The following DACH2 variants were observed in gnomAD, a reference collection of about 807,000 sequenced individuals.
DACH2 encodes the protein dachshund family transcription factor 2, also known as dachshund homolog 2.
Under a neutral mutation model 35.8 loss-of-function variants are expected in DACH2, and 17 were observed. That is an observed-to-expected ratio of 0.48 (90% CI 0.33 to 0.71). The LOEUF (loss-of-function observed/expected upper bound fraction) is 0.71, where lower values mean the gene tolerates loss of function less well. DACH2 is among the 30% of genes least tolerant of loss of function. The pLI is 0.02. For missense variants in DACH2, 469 were observed against 472.7 expected, an observed-to-expected ratio of 0.99 and a Z score of 0.07; for synonymous variants, 195 against 177.3, an observed-to-expected ratio of 1.10 and a Z score of -0.79.
Position 86,415,264 on chromosome X carries a change from G to T in DACH2, c.527+38402G>T, listed in dbSNP as rs776346423. On this transcript the variant is annotated intron_variant, in intron 2 of 11. Transcript: ENST00000373125. ...TTTTCTTTCTTTCTTTTCAACGTAG[G>T]ACTAATTTCTGTAGAAATTTTTAGA... Among the ~76,000 whole-genome samples the T allele has an allele frequency of 5.4e-5, 6 of 111,703 alleles. No homozygotes were observed. In the East Asian group the frequency reaches 8.5e-4, roughly 16 times the overall value.
At chrX:86,249,418 T>C (rs1351209433) in intron 1 of DACH2, among the ~76,000 whole-genome samples, 2 of 111,517 alleles carry the variant, frequency 1.8e-5, no homozygotes, top group Non-Finnish European at 3.8e-5. Context: ...CTCTATAGAA[T>C]ACATACACTT....
chrX:86,189,759 G>A (rs1387371580), intron 1 of DACH2, among the ~76,000 whole-genome samples: 1 of 111,614 alleles, frequency 9.0e-6, no homozygotes, highest in Non-Finnish European at 1.9e-5. Flanking sequence ...TTCTGGTATT[G>A]AAACATCTTA....
chrX:86,446,043 G>C (rs1215037783), intron 2 of DACH2, among the ~76,000 whole-genome samples: 1 of 110,922 alleles, frequency 9.0e-6, no homozygotes, highest in African/African-American at 3.3e-5. Context: ...AATGTTGGGT[G>C]CATATATATT....
intron 4 of DACH2, among the ~76,000 whole-genome samples, chrX:86,685,144 G>T (rs2040927014): frequency 9.0e-6 from 1 of 111,312 alleles, no homozygotes; most frequent in African/African-American, 3.3e-5. Context: ...TTGCATTATT[G>T]TCTTCAATCT....
At chrX:86,516,670 A>C (rs2038472763) in intron 3 of DACH2, among the ~76,000 whole-genome samples, 1 of 110,122 alleles carries the variant, frequency 9.1e-6, no homozygotes. Flanking sequence ...CCGGGTATTA[A>C]GCTTATTACC....
At chrX:86,632,900 A>G (rs1316287395) in intron 3 of DACH2, among the ~76,000 whole-genome samples, 1 of 110,916 alleles carries the variant, frequency 9.0e-6, no homozygotes, top group Non-Finnish European at 1.9e-5. Context: ...ACAAAAATGA[A>G]GATGCAATAT....
At chrX:86,583,002 A>T (rs1282169009) in intron 3 of DACH2, among the ~76,000 whole-genome samples, 1 of 111,288 alleles carries the variant, frequency 9.0e-6, no homozygotes, top group Admixed American at 9.6e-5. Flanking sequence ...GCACATCGAA[A>T]AGCTAATCCA....
chrX:86,816,081 G>T lies in DACH2; in HGVS notation c.1732G>T (p.Asp578Tyr), dbSNP rs149307611. ...IEIENNGTPH[D>Y]SAAMQGGNYY... ...AATAGAAAACAATGGGACTCCTCATGATAGTGCTGCTATGCAAGGTACAGT... is the reference window on the plus strand; with the variant it reads ...AATAGAAAACAATGGGACTCCTCATTATAGTGCTGCTATGCAAGGTACAGT... Residue 578 changes from aspartate (D) to tyrosine (Y), a missense_variant, in exon 11 of 12, where the codon GAT (aspartate) becomes TAT (tyrosine). This residue lies in a region of DACH2 where 363 missense variants were observed against 334.4 expected (regional missense o/e 1.09). Transcript: ENST00000373125. The T allele has an allele frequency of 1.6e-4, 192 of 1,179,264 alleles. No individual in the cohort carries two copies. Among genetic ancestry groups the T allele is most frequent in the Non-Finnish European group, 2.0e-4 (174 of 879,682 alleles).
chrX:86,757,337 T>C (rs2041839171), intron 7 of DACH2, among the ~76,000 whole-genome samples: 1 of 111,651 alleles, frequency 9.0e-6, no homozygotes, highest in Admixed American at 9.5e-5. Context: ...GTTTTCTTTT[T>C]TTGTTGCATA....
At chrX:86,556,295 G>A (rs777584743) in intron 3 of DACH2, among the ~76,000 whole-genome samples, 1 of 110,939 alleles carries the variant, frequency 9.0e-6, no homozygotes, top group Non-Finnish European at 1.9e-5. Flanking sequence ...TGGAATAAGA[G>A]TGCTAGGTGC....
intron 4 of DACH2, among the ~76,000 whole-genome samples, chrX:86,664,988 G>A (rs1228505158): frequency 8.9e-6 from 1 of 111,750 alleles, no homozygotes; most frequent in Non-Finnish European, 1.9e-5. Flanking sequence ...TGTTTTTCAT[G>A]TTTCTGAGTG....
intron 3 of DACH2, among the ~76,000 whole-genome samples, chrX:86,597,526 C>T (rs1423982922): frequency 9.0e-6 from 1 of 111,332 alleles, no homozygotes; most frequent in African/African-American, 3.3e-5. Flanking sequence ...AGAGGATATA[C>T]TTTGCTTGAT....
intron 4 of DACH2, among the ~76,000 whole-genome samples, chrX:86,654,285 A>T (rs2148409265): frequency 9.3e-6 from 1 of 107,323 alleles, no homozygotes; most frequent in East Asian, 3.0e-4. Context: ...ATATAATGTG[A>T]TAGGTAAATT....
At chrX:86,623,507 G>A (rs1030170948) in intron 3 of DACH2, among the ~76,000 whole-genome samples, 6 of 111,658 alleles carry the variant, frequency 5.4e-5, no homozygotes, top group African/African-American at 2.0e-4. Context: ...AAGGAGCTCT[G>A]TCTGAAGATG....
chrX:86,734,363 G>A (rs1041931503), intron 6 of DACH2, among the ~76,000 whole-genome samples: 1 of 110,691 alleles, frequency 9.0e-6, no homozygotes, highest in African/African-American at 3.3e-5. Flanking sequence ...CCACTGAAGA[G>A]TGAAAGCTGC....
At chrX:86,433,756 G>T (rs1276643409) in intron 2 of DACH2, among the ~76,000 whole-genome samples, 1 of 111,533 alleles carries the variant, frequency 9.0e-6, no homozygotes, top group Non-Finnish European at 1.9e-5. Context: ...GTAAAATTAG[G>T]CTAGGAAATT....
At chrX:86,408,200 C>A (rs1299250196) in intron 2 of DACH2, among the ~76,000 whole-genome samples, 1 of 111,737 alleles carries the variant, frequency 8.9e-6, no homozygotes, top group Non-Finnish European at 1.9e-5. Context: ...CATTTGAATA[C>A]AGTATAACCA....
intron 4 of DACH2, among the ~76,000 whole-genome samples, chrX:86,692,554 T>C (rs2041022441): frequency 8.9e-6 from 1 of 112,309 alleles, no homozygotes; most frequent in African/African-American, 3.2e-5. Flanking sequence ...GAATACTACC[T>C]AATGTACCAT....
chrX:86,175,695 A>G (rs1461255550), intron 1 of DACH2, among the ~76,000 whole-genome samples: 1 of 111,525 alleles, frequency 9.0e-6, no homozygotes, highest in Non-Finnish European at 1.9e-5. Flanking sequence ...AAGTAGAAGT[A>G]TCTTCCTTTA....
Sources: gnomAD v4.1 joint callset for allele counts (sites outside exome capture counted in the v4.1 genomes callset) on GRCh38, gnomAD v4.1.1 for gene constraint, gnomAD v4.1.1 regional missense constraint, MANE v1.5 for transcripts, NCBI Gene and HGNC (gene_info 2026-07-23, HGNC 2026-07-21) for gene names.